Variants in CCDC88C observed in about 807,000 individuals in gnomAD.
CCDC88C encodes protein Daple.
Under a neutral mutation model 198.8 loss-of-function variants are expected in CCDC88C, and 131 were observed. That is an observed-to-expected ratio of 0.66 (90% CI 0.57 to 0.76). CCDC88C has a LOEUF of 0.76. Among genes scored for constraint, CCDC88C ranks in the 30% least tolerant of loss-of-function variants. The probability of loss-of-function intolerance (pLI) is 0.00; values close to 1 mark genes in which losing one functional copy is unlikely to be tolerated. For missense variants in CCDC88C, 2,553 were observed against 2,631.6 expected (o/e 0.97, Z 0.65); for synonymous variants, 1,166 against 1,114.7 (o/e 1.05, Z -0.92).
intron 10 of CCDC88C, among the ~76,000 whole-genome samples, chr14:91,326,637 G>A (rs952519942): frequency 6.6e-6 from 1 of 152,202 alleles, no homozygotes; most frequent in African/African-American, 2.4e-5. Context: ...TCATCTGGAC[G>A]GACAAGGGGA....
Position 91,324,882 on chromosome 14 carries a change from T to C in CCDC88C, c.1239A>G (p.Glu413=). The change falls in exon 12 of 30, where the codon GAA becomes GAG. Residue 413 remains glutamate, a synonymous_variant. Transcript: ENST00000389857. ...GTGCAATCTCAAGGACCATGTTTTC[T>C]TCCAGCAGCTCCTCAATTCGTTTCT... ...TDKKRIEELL[E]ENMVLEIAQK... 4 of 1,613,930 alleles carry C rather than the reference T, an allele frequency of 2.5e-6. No homozygotes were observed. The highest frequency in any genetic ancestry group is 3.4e-6 in the Non-Finnish European group (4 of 1,179,902).
At chr14:91,407,346 CTT>C (rs1886553386) in intron 3 of CCDC88C, among the ~76,000 whole-genome samples, 1 of 152,206 alleles carries the variant, frequency 6.6e-6, no homozygotes, top group South Asian at 2.1e-4. Context: ...GGCCAGACGG[CTT>C]CCTCATGTCA....
In CCDC88C at chr14:91,278,069, C is replaced by T. The variant is rs369290093; in HGVS notation, c.4911G>A (p.Arg1637=). ...ALGRHEYPLP[R]NGPLPQEGAQ... is the part of the protein sequence containing the mutation. ...CACCCTCCTGTGGGAGAGGCCCGTT[C>T]CGAGGCAAGGGGTACTCGTGGCGGC... Residue 1637 remains arginine, a synonymous_variant, in exon 29 of 30, where the codon CGG becomes CGA. Coordinates refer to ENST00000389857, the MANE Select transcript of CCDC88C (RefSeq NM_001080414.4). 6.9e-5 allele frequency: 112 copies of T among 1,611,928 alleles called. No individual in the cohort carries two copies. Among genetic ancestry groups the T allele is most frequent in the Non-Finnish European group, 7.2e-5 (85 of 1,179,226 alleles).
chr14:91,380,155 T>C (rs1479008735), intron 3 of CCDC88C, among the ~76,000 whole-genome samples: 1 of 152,220 alleles, frequency 6.6e-6, no homozygotes, highest in Non-Finnish European at 1.5e-5. Flanking sequence ...TCAATATTTG[T>C]CTAGTAAAAA....
Position 91,289,200 on chromosome 14 carries a change from T to C in CCDC88C, c.4346A>G (p.Gln1449Arg). The C allele has an allele frequency of 6.2e-7, 1 of 1,613,966 alleles. No individual in the cohort carries two copies. Among genetic ancestry groups the C allele is most frequent in the Non-Finnish European group, 8.5e-7 (1 of 1,179,872 alleles). The change falls in exon 25 of 30, where the codon CAG (glutamine) becomes CGG (arginine). Residue 1449 changes from glutamine (Q) to arginine (R), a missense_variant. This residue lies in a region of CCDC88C where 1,293 missense variants were observed against 1,219.6 expected (regional missense o/e 1.06). Transcript: ENST00000389857. The stretch of plus-strand genomic sequence containing the variant: ...GTTCTCGGCCTGTGATCTGAGCGGC[T>C]GAGAGGCCGCCGGCGAGGCGGGGTC... ...SSDPASPAAS[Q>R]PLRSQAENPD... is the part of the protein sequence containing the mutation.
chr14:91,303,632 T>TC lies in CCDC88C; in HGVS notation c.3635+68dup, dbSNP rs1473065478. ...ACCCATCTACCCCAGGCCCCACCTT[T>TC]CCCCCTGGGCCCAGCCTCTCCTCTG... On this transcript the variant is annotated intron_variant, in intron 20 of 29. Transcript: ENST00000389857. The TC allele has an allele frequency of 4.1e-6, 6 of 1,446,610 alleles. No individual in the cohort carries two copies. The African/African-American group carries it at 7.2e-5, about 17-fold the overall frequency. The allele number at this position is 1,446,610 out of a possible 1,614,324, so 89.6% of individuals were successfully genotyped here.
chr14:91,329,083 C>T (rs1394691668), intron 10 of CCDC88C, among the ~76,000 whole-genome samples: 3 of 152,214 alleles, frequency 2.0e-5, no homozygotes, highest in African/African-American at 4.8e-5. Context: ...ACATCCTACC[C>T]ACCCAGGAAA....
chr14:91,346,487 T>G (rs1353937298), intron 4 of CCDC88C, among the ~76,000 whole-genome samples: 1 of 152,244 alleles, frequency 6.6e-6, no homozygotes, highest in Non-Finnish European at 1.5e-5. Flanking sequence ...TAGGATTTTT[T>G]TTTTTTACTT....
intron 28 of CCDC88C, among the ~76,000 whole-genome samples, chr14:91,278,827 C>G (rs889650727): frequency 2.6e-5 from 4 of 151,726 alleles, no homozygotes; most frequent in African/African-American, 9.7e-5. Flanking sequence ...GCATTTGAAA[C>G]CCCTAGTCAT....
chr14:91,414,882 G>T (rs140146870), intron 2 of CCDC88C, among the ~76,000 whole-genome samples: 2 of 152,126 alleles, frequency 1.3e-5, no homozygotes, highest in East Asian at 3.9e-4. Context: ...ACACCACCCC[G>T]GCCGAATTTA....
intron 6 of CCDC88C, among the ~76,000 whole-genome samples, chr14:91,340,266 G>C (rs1288389706): frequency 1.3e-5 from 2 of 152,190 alleles, no homozygotes; most frequent in Non-Finnish European, 2.9e-5. Flanking sequence ...AAGGGGACCA[G>C]AAAGCACGCC....
chr14:91,319,440 C>T (rs1486928805), intron 13 of CCDC88C, among the ~76,000 whole-genome samples: 2 of 152,206 alleles, frequency 1.3e-5, no homozygotes, highest in African/African-American at 2.4e-5. Context: ...ATCCCATAAA[C>T]CCAGGGGAGG....
chr14:91,360,740 C>T (rs548046042), intron 3 of CCDC88C, among the ~76,000 whole-genome samples: 1 of 152,352 alleles, frequency 6.6e-6, no homozygotes, highest in South Asian at 2.1e-4. Flanking sequence ...TACAGGCTCT[C>T]CTCAGCGTGC....
intron 3 of CCDC88C, among the ~76,000 whole-genome samples, chr14:91,376,237 C>A (rs574231263): frequency 5.3e-4 from 81 of 152,298 alleles, no homozygotes; most frequent in African/African-American, 1.9e-3. Context: ...TGCTCGTCGC[C>A]GGGCATATGC....
chr14:91,384,596 C>T (rs772686890), intron 3 of CCDC88C: 1 of 443,636 alleles, frequency 2.3e-6, no homozygotes, highest in Non-Finnish European at 4.5e-6. Flanking sequence ...AAAACTATGA[C>T]CTTCACTATT....
intron 6 of CCDC88C, among the ~76,000 whole-genome samples, chr14:91,341,095 G>C (rs1160759307): frequency 1.3e-5 from 2 of 152,188 alleles, no homozygotes; most frequent in African/African-American, 4.8e-5. Context: ...AAAATTTGAA[G>C]AGACACCACC....
rs1892526004 is a variant in CCDC88C at position 91,325,052 on chromosome 14, CA to C, written c.1198-130del. ...ATGTACTGGCTCACTTCCAAATAAA[CA>C]GAGCTGCACAGAAACATCCCAACAC... On this transcript the variant is annotated intron_variant, in intron 11 of 29. Coordinates refer to ENST00000389857, the MANE Select transcript of CCDC88C (RefSeq NM_001080414.4). The surrounding 1 kb of genome is among the most constrained non-coding windows in gnomAD (Gnocchi z 4.1). The C allele has an allele frequency of 8.6e-7, 1 of 1,167,492 alleles. No homozygotes were observed. 72.3% of individuals were successfully genotyped at this position (1,167,492 alleles called of 1,614,324 possible).
chr14:91,383,319 T>TG (rs1212895000), intron 3 of CCDC88C, among the ~76,000 whole-genome samples: 2 of 152,246 alleles, frequency 1.3e-5, no homozygotes, highest in East Asian at 3.9e-4. Flanking sequence ...CATGCTGCCG[T>TG]GGGGGGCCCA....
At chr14:91,315,613 G>T (rs1395542008) in intron 14 of CCDC88C, 37 bp downstream of exon 14, 1 of 1,610,556 alleles carries the variant, frequency 6.2e-7, no homozygotes. Flanking sequence ...TTGCAGGCAG[G>T]GGTTCTAGGA....
Sources: gnomAD v4.1 joint callset for allele counts (sites outside exome capture counted in the v4.1 genomes callset) on GRCh38, gnomAD v4.1.1 for gene constraint, gnomAD v4.1.1 regional missense constraint, Gnocchi (gnomAD v3.1) non-coding constraint, MANE v1.5 for transcripts, NCBI Gene and HGNC (gene_info 2026-07-23, HGNC 2026-07-21) for gene names.